RTN4: variants seen among roughly 807,000 people sequenced by gnomAD.
RTN4 encodes the protein reticulon-4.
In RTN4, 32 loss-of-function variants were observed where a neutral mutation model predicts 90.4. That is an observed-to-expected ratio of 0.35 (90% confidence interval 0.27 to 0.48). The LOEUF is 0.48. Ranked by LOEUF, RTN4 falls within the 20% of genes least tolerant of loss-of-function variation. RTN4 has a pLI of 0.99. For missense variants in RTN4, 1,706 were observed against 1,430.2 expected, an observed-to-expected ratio of 1.19 and a Z score of -3.11; for synonymous variants, 629 against 552.5, an observed-to-expected ratio of 1.14 and a Z score of -1.94.
chr2:55,120,271 C>T, the RTN4 span, among the ~76,000 whole-genome samples: 1 of 152,240 alleles, frequency 6.6e-6, no homozygotes, highest in Non-Finnish European at 1.5e-5. Flanking sequence ...GCCCCCCTCA[C>T]TTTAGCTCTC....
intron 3 of RTN4, among the ~76,000 whole-genome samples, chr2:54,992,978 GC>G (rs1341720625): frequency 6.6e-6 from 1 of 151,164 alleles, no homozygotes; most frequent in Non-Finnish European, 1.5e-5. Context: ...GGAGGCTGAG[GC>G]AGGAGAATGG....
chr2:55,010,005 A>G, intron 3 of RTN4: 2 of 1,492,296 alleles, frequency 1.3e-6, no homozygotes, highest in Non-Finnish European at 1.8e-6. Flanking sequence ...AATCCAAAAT[A>G]TCTAAATTCC....
Position 54,973,020 on chromosome 2 carries a change from G to C in RTN4, c.*136C>G. ...TAATTTTTCCTCACAACAGTGCATG[G>C]CTAAAAATAAAGATCTAACAACGAT... On this transcript the variant is annotated 3_prime_UTR_variant, in exon 9 of 9. Coordinates refer to ENST00000337526, the MANE Select transcript of RTN4 (RefSeq NM_020532.5). The C allele has an allele frequency of 1.5e-6, 1 of 664,840 alleles. No individual in the cohort carries two copies. The highest frequency in any genetic ancestry group is 2.6e-6 in the Non-Finnish European group (1 of 386,162). 41.2% of individuals were successfully genotyped at this position (664,840 alleles called of 1,614,324 possible). A position where few individuals can be genotyped will look rare whatever the true frequency, so the allele number is the denominator to read the frequency against.
chr2:55,090,989 C>A (rs770525087), intron 1 of RTN4, among the ~76,000 whole-genome samples: 5 of 152,198 alleles, frequency 3.3e-5, no homozygotes, highest in African/African-American at 7.2e-5. Flanking sequence ...AACTTCTCTG[C>A]ACATCTCCAT....
intron 5 of RTN4, among the ~76,000 whole-genome samples, chr2:54,976,426 G>T (rs1293778768): frequency 6.6e-6 from 1 of 152,188 alleles, no homozygotes; most frequent in Non-Finnish European, 1.5e-5. Context: ...ATACATGTAT[G>T]TGAGAGGCTG....
chr2:55,094,615 C>T (rs963181242), intron 1 of RTN4, among the ~76,000 whole-genome samples: 2 of 152,096 alleles, frequency 1.3e-5, no homozygotes, highest in African/African-American at 2.4e-5. Context: ...CACAACAGAG[C>T]CATGCTATGT....
intron 1 of RTN4, among the ~76,000 whole-genome samples, chr2:55,044,419 C>CAAAA (rs1056134892): frequency 4.0e-5 from 6 of 150,972 alleles, no homozygotes; most frequent in African/African-American, 1.5e-4. Context: ...AACAAACAAA[C>CAAAA]AAAAAAACTT....
intron 2 of RTN4, among the ~76,000 whole-genome samples, chr2:55,069,729 C>G (rs879475326): frequency 6.6e-6 from 1 of 152,184 alleles, no homozygotes; most frequent in Non-Finnish European, 1.5e-5. Context: ...CTGGGGGCAC[C>G]TGCAGGGCCT....
chr2:55,090,968 T>C (rs777387793), intron 1 of RTN4, among the ~76,000 whole-genome samples: 7 of 152,128 alleles, frequency 4.6e-5, no homozygotes, highest in Non-Finnish European at 1.0e-4. Context: ...CATCCCAAGT[T>C]GACATTTTTC....
At chr2:55,055,601 A>G (rs1473912761), upstream of RTN4, among the ~76,000 whole-genome samples, 1 of 152,154 alleles carries the variant, frequency 6.6e-6, no homozygotes, top group East Asian at 1.9e-4. Flanking sequence ...CCCCGTCTCT[A>G]CTAAAAATAC....
chr2:54,973,528 T>C, intron 8 of RTN4, 35 bp downstream of exon 8: 2 of 1,482,080 alleles, frequency 1.3e-6, no homozygotes, highest in East Asian at 2.3e-5. Flanking sequence ...GCACACCTTA[T>C]CCTAGTAAAA....
At chr2:55,112,473 T>G (rs1017371942) in intron 1 of RTN4, 1 of 152,310 alleles carries the variant, frequency 6.6e-6, no homozygotes, top group Admixed American at 6.5e-5. Flanking sequence ...AGTATTGTTC[T>G]AAATCTAAGC....
chr2:55,103,580 GTTT>G (rs1667890723), intron 1 of RTN4, among the ~76,000 whole-genome samples: 2 of 151,936 alleles, frequency 1.3e-5, no homozygotes, highest in African/African-American at 4.8e-5. Flanking sequence ...GGTAGTGATG[GTTT>G]TATGGGTATA....
chr2:55,050,053 T>C lies in RTN4; in HGVS notation c.248A>G (p.Asn83Ser). The stretch of plus-strand genomic sequence containing the variant: ...CCGGGGCGCCGGCGGCACGAAGTCA[T>C]TTCCGAAGTCCATCAGGGGCGCGCC... ...AAGAPLMDFG[N>S]DFVPPAPRGP... The change falls in exon 1 of 9, where the codon AAT becomes AGT. Residue 83 changes from asparagine (N) to serine (S), a missense_variant. By Grantham distance (46) the Asn-to-Ser change is conservative (BLOSUM62 1). Coordinates refer to ENST00000337526, the MANE Select transcript of RTN4 (RefSeq NM_020532.5). This position sits in a 1 kb window ranked among gnomAD's most constrained non-coding sequence, Gnocchi z 4.6. 2 of 1,420,468 alleles carry C rather than the reference T, an allele frequency of 1.4e-6. No individual in the cohort carries two copies. Among genetic ancestry groups the C allele is most frequent in the Non-Finnish European group, 1.8e-6 (2 of 1,093,310 alleles). 88.0% of individuals were successfully genotyped at this position (1,420,468 alleles called of 1,614,324 possible).
chr2:55,118,129 A>G, the RTN4 span, among the ~76,000 whole-genome samples: 1 of 152,146 alleles, frequency 6.6e-6, no homozygotes. Flanking sequence ...CACTTTGGAT[A>G]GCACCGATCT....
At chr2:55,108,816 T>A (rs1295002811) in intron 1 of RTN4, among the ~76,000 whole-genome samples, 1 of 152,074 alleles carries the variant, frequency 6.6e-6, no homozygotes, top group African/African-American at 2.4e-5. Context: ...TAGGCCAATT[T>A]CTATGACTAA....
chr2:55,040,697 G>C (rs1246759534), intron 1 of RTN4, among the ~76,000 whole-genome samples: 1 of 151,790 alleles, frequency 6.6e-6, no homozygotes. Flanking sequence ...TTACAACTAA[G>C]GGCCTGTATT....
chr2:55,037,345 T>C (rs1203442000), intron 1 of RTN4, among the ~76,000 whole-genome samples: 2 of 152,226 alleles, frequency 1.3e-5, no homozygotes, highest in Non-Finnish European at 2.9e-5. Flanking sequence ...TTTGTTCCTA[T>C]CTTTTAAAAA....
At chr2:55,000,987 A>AT (rs11377956) in intron 3 of RTN4, among the ~76,000 whole-genome samples, 16,380 of 152,152 alleles carry the variant, frequency 0.11, 1,410 homozygotes, top group African/African-American at 0.23. Context: ...AATTTATACT[A>AT]TAAATAACAA....
Sources: gnomAD v4.1 joint callset for allele counts (sites outside exome capture counted in the v4.1 genomes callset) on GRCh38, gnomAD v4.1.1 for gene constraint, Gnocchi (gnomAD v3.1) non-coding constraint, MANE v1.5 for transcripts, NCBI Gene and HGNC (gene_info 2026-07-23, HGNC 2026-07-21) for gene names.